The following CEP128 variants were observed in gnomAD, a reference collection of about 807,000 sequenced individuals.
CEP128 encodes centrosomal protein 128kDa.
CEP128 carries 132 observed loss-of-function variants against 156.7 expected under a neutral mutation model. That is an observed-to-expected ratio of 0.84 (90% confidence interval 0.73 to 0.97). CEP128 has a LOEUF of 0.97. CEP128 is among the 50% of genes least tolerant of loss of function. CEP128 has a pLI of 0.00. For synonymous variants in CEP128, 469 were observed against 448.9 expected (o/e 1.04, Z -0.57); for missense variants, 1,252 against 1,281.9 (o/e 0.98, Z 0.36).
chr14:80,487,003 A>G (rs923686617), downstream of CEP128, among the ~76,000 whole-genome samples: 9 of 152,204 alleles, frequency 5.9e-5, no homozygotes, highest in African/African-American at 2.2e-4. Context: ...TCATAATGAC[A>G]GGACCAAATA....
chr14:80,883,615 T>C (rs1888655160), intron 8 of CEP128, among the ~76,000 whole-genome samples: 1 of 152,152 alleles, frequency 6.6e-6, no homozygotes, highest in Non-Finnish European at 1.5e-5. Flanking sequence ...TGGAAAGATA[T>C]TCTATGTTAA....
intron 19 of CEP128, among the ~76,000 whole-genome samples, chr14:80,684,226 G>T (rs1896436609): frequency 6.6e-6 from 1 of 151,988 alleles, no homozygotes; most frequent in Admixed American, 6.6e-5. Context: ...AAAAATAGAA[G>T]ATGCAAATAA....
chr14:80,930,268 G>T (rs773408973), intron 2 of CEP128, among the ~76,000 whole-genome samples: 1 of 152,126 alleles, frequency 6.6e-6, no homozygotes, highest in Non-Finnish European at 1.5e-5. Context: ...TCAGTGAGTG[G>T]CAAGTGACAA....
intron 19 of CEP128, among the ~76,000 whole-genome samples, chr14:80,723,603 G>T (rs2139475513): frequency 6.6e-6 from 1 of 152,314 alleles, no homozygotes; most frequent in South Asian, 2.1e-4. Flanking sequence ...TCCAAAAAGT[G>T]ATACCCTTTT....
At chr14:80,633,158 T>C (rs536833547) in intron 19 of CEP128, among the ~76,000 whole-genome samples, 3 of 128,192 alleles carry the variant, frequency 2.3e-5, no homozygotes, top group East Asian at 2.3e-4. Flanking sequence ...GCCCAGAAGG[T>C]CAAGGTTGCC....
chr14:80,806,465 G>A (rs1469416357), intron 13 of CEP128, among the ~76,000 whole-genome samples: 2 of 152,110 alleles, frequency 1.3e-5, no homozygotes, highest in Admixed American at 6.5e-5. Flanking sequence ...AGTAATGCAC[G>A]AGGGAAATTC....
At chr14:80,795,156 C>A (rs998359738) in intron 13 of CEP128, among the ~76,000 whole-genome samples, 1 of 152,174 alleles carries the variant, frequency 6.6e-6, no homozygotes, top group Admixed American at 6.5e-5. Context: ...TATTGCTAAA[C>A]TTCCAGATTC....
downstream of CEP128, among the ~76,000 whole-genome samples, chr14:80,495,235 A>C (rs1418558221): frequency 2.6e-5 from 4 of 152,196 alleles, no homozygotes; most frequent in Non-Finnish European, 5.9e-5. Context: ...GGGGTGAGTA[A>C]AGGAAAGAAG....
chr14:80,780,630 G>A (rs1051542243), intron 15 of CEP128, among the ~76,000 whole-genome samples: 10 of 125,262 alleles, frequency 8.0e-5, no homozygotes, highest in African/African-American at 2.9e-4. Context: ...CTAAAGCTTT[G>A]TTATCATCTC....
chr14:80,731,200 G>A (rs1229202074), intron 19 of CEP128, among the ~76,000 whole-genome samples: 1 of 152,174 alleles, frequency 6.6e-6, no homozygotes, highest in East Asian at 1.9e-4. Flanking sequence ...GCTCATTGAG[G>A]TTGACAGAGT....
intron 21 of CEP128, among the ~76,000 whole-genome samples, chr14:80,549,333 T>A (rs1890118669): frequency 6.6e-6 from 1 of 152,158 alleles, no homozygotes; most frequent in African/African-American, 2.4e-5. Context: ...AAGTGTCAAG[T>A]CTGAACAAAT....
intron 19 of CEP128, among the ~76,000 whole-genome samples, chr14:80,679,871 C>T (rs1484441408): frequency 6.6e-6 from 1 of 152,188 alleles, no homozygotes; most frequent in East Asian, 1.9e-4. Flanking sequence ...GATGTCACCC[C>T]CGGAGGCCCA....
downstream of CEP128, among the ~76,000 whole-genome samples, chr14:80,490,306 T>C (rs1229766288): frequency 6.6e-6 from 1 of 152,028 alleles, no homozygotes; most frequent in Non-Finnish European, 1.5e-5. Flanking sequence ...CATATGACAA[T>C]GTCAAAATAT....
intron 21 of CEP128, among the ~76,000 whole-genome samples, chr14:80,547,475 T>C (rs1890034053): frequency 6.6e-6 from 1 of 152,110 alleles, no homozygotes; most frequent in Non-Finnish European, 1.5e-5. Context: ...TTAGCCCTAG[T>C]TTTGTCACAT....
At chr14:80,520,451 C>T (rs1671394462) in intron 23 of CEP128, among the ~76,000 whole-genome samples, 2 of 129,024 alleles carry the variant, frequency 1.6e-5, no homozygotes, top group Non-Finnish European at 3.5e-5. Context: ...CAAAAAACAA[C>T]ATTCATTTAC....
At chr14:80,603,998 A>C (rs989159710) in intron 19 of CEP128, among the ~76,000 whole-genome samples, 2 of 152,198 alleles carry the variant, frequency 1.3e-5, no homozygotes, top group Non-Finnish European at 2.9e-5. Flanking sequence ...TCTCAAAATG[A>C]ATGTTACAGG....
At chr14:80,690,288 T>C (rs1032914929) in intron 19 of CEP128, among the ~76,000 whole-genome samples, 1 of 148,530 alleles carries the variant, frequency 6.7e-6, no homozygotes, top group African/African-American at 2.5e-5. Flanking sequence ...TGGTGGCACA[T>C]GCCTGTAATC....
intron 12 of CEP128, among the ~76,000 whole-genome samples, chr14:80,835,537 T>C (rs1314578020): frequency 6.6e-6 from 1 of 152,146 alleles, no homozygotes; most frequent in East Asian, 1.9e-4. Context: ...ATTGGGATAA[T>C]ACAGAAGCTG....
At position 80,836,281 on chromosome 14, in the gene CEP128, C is replaced by A. The variant is rs1176887403; in HGVS notation, c.981G>T (p.Gln327His). 1.9e-6 allele frequency: 3 copies of A among 1,613,860 alleles called. No homozygotes were observed. The African/African-American group carries it at 4.0e-5, about 22-fold the overall frequency. ...TKAEGDRKGL[Q>H]HQVSQISKQQ... ...GCTTGGAAATCTGAGATACTTGATG[C>A]TGTAAACCCTTTCGATCACCTTCTG... is the stretch of plus-strand genomic sequence containing the variant. Residue 327 changes from glutamine to histidine, a missense_variant, in exon 12 of 25, where the codon CAG becomes CAT. Transcript: ENST00000555265.
Sources: allele counts gnomAD v4.1 joint callset (sites outside exome capture counted in the v4.1 genomes callset), GRCh38; gene constraint gnomAD v4.1.1; transcripts MANE v1.5; gene names NCBI Gene and HGNC (gene_info 2026-07-23, HGNC 2026-07-21).